Variants in RNF13 observed in about 807,000 individuals in gnomAD.
The protein encoded by RNF13 is E3 ubiquitin-protein ligase RNF13.
In RNF13, 19 loss-of-function variants were observed where a neutral mutation model predicts 37.7. That is an observed-to-expected ratio of 0.50 (90% CI 0.35 to 0.74). The LOEUF (loss-of-function observed/expected upper bound fraction) is 0.74, where lower values mean the gene tolerates loss of function less well. Ranked by LOEUF, RNF13 falls within the 30% of genes least tolerant of loss-of-function variation. RNF13 has a pLI of 0.01. For synonymous variants in RNF13, 144 were observed against 157.8 expected (o/e 0.91, Z 0.65); for missense variants, 375 against 453.0 (o/e 0.83, Z 1.56).
chr3:149,917,184 C>T (rs1251441930), intron 7 of RNF13, among the ~76,000 whole-genome samples: 1 of 152,076 alleles, frequency 6.6e-6, no homozygotes, highest in Non-Finnish European at 1.5e-5. Flanking sequence ...TGGTTCAGCT[C>T]CACCATCTTT....
rs192836082 is a variant in RNF13, at chr3:149,874,066, G to A, written c.321+1912G>A. ...TTGAGCCATTCTAATGTTAGACAGG[G>A]AAATGTTAAAAAAATTCTCATTGTA... is the stretch of plus-strand genomic sequence containing the variant. On this transcript the variant is annotated intron_variant, in intron 4 of 9. Coordinates refer to ENST00000392894, the MANE Select transcript of RNF13 (RefSeq NM_183381.3). Among the ~76,000 whole-genome samples, 1,244 of 152,220 alleles carry A rather than the reference G, an allele frequency of 8.2e-3. 6 individuals carry two copies. The highest frequency in any genetic ancestry group is 0.012 in the Non-Finnish European group (801 of 68,000).
chr3:149,948,550 A>C (rs1224198010), intron 8 of RNF13, among the ~76,000 whole-genome samples: 5 of 152,196 alleles, frequency 3.3e-5, no homozygotes, highest in African/African-American at 1.2e-4. Flanking sequence ...AAAACATCTT[A>C]AAAGTTCTAA....
At chr3:149,889,292 C>CGTGTGTGT (rs376618726) in intron 4 of RNF13, among the ~76,000 whole-genome samples, 31,283 of 137,978 alleles carry the variant, frequency 0.23, 4,041 homozygotes, top group Middle Eastern at 0.31. Context: ...TTTGAGTGTG[C>CGTGTGTGT]GTGTGTGTGT....
intron 4 of RNF13, among the ~76,000 whole-genome samples, chr3:149,886,537 C>G (rs1037182337): frequency 6.6e-6 from 1 of 152,062 alleles, no homozygotes; most frequent in Admixed American, 6.6e-5. Flanking sequence ...ATCGAGATAT[C>G]ATTTGCACAT....
At chr3:149,876,771 C>CTTTTTTTTT (rs768071913) in intron 4 of RNF13, among the ~76,000 whole-genome samples, 7 of 82,512 alleles carry the variant, frequency 8.5e-5, no homozygotes, top group African/African-American at 1.5e-4. Flanking sequence ...GTCATCATAT[C>CTTTTTTTTT]TTTTTTTTTT....
chr3:149,850,308 A>G (rs1265194991), intron 2 of RNF13, among the ~76,000 whole-genome samples: 2 of 152,304 alleles, frequency 1.3e-5, no homozygotes, highest in East Asian at 1.9e-4. Flanking sequence ...AACAGTGAAC[A>G]TGCTTTAATT....
chr3:149,829,450 T>G (rs1442056233), intron 1 of RNF13, among the ~76,000 whole-genome samples: 3 of 152,218 alleles, frequency 2.0e-5, no homozygotes, highest in Non-Finnish European at 4.4e-5. Context: ...TTGATCATTT[T>G]GTTTCATTTG....
At chr3:149,911,845 A>C (rs770420664) in intron 6 of RNF13, 133 bp from the exon 7 acceptor site, 2 of 606,718 alleles carry the variant, frequency 3.3e-6, no homozygotes, top group Non-Finnish European at 5.8e-6. Flanking sequence ...TATTTTAGAA[A>C]ATGAAATGTA....
intron 1 of RNF13, among the ~76,000 whole-genome samples, chr3:149,838,824 T>C (rs1721906696): frequency 6.7e-6 from 1 of 150,094 alleles, no homozygotes; most frequent in African/African-American, 2.5e-5. Flanking sequence ...CTTGAATGTC[T>C]CCTCAGAAAA....
intron 7 of RNF13, among the ~76,000 whole-genome samples, chr3:149,915,949 A>G (rs1347216199): frequency 6.6e-6 from 1 of 152,214 alleles, no homozygotes; most frequent in African/African-American, 2.4e-5. Flanking sequence ...AATGTACTTA[A>G]GCCATCGAAC....
intron 3 of RNF13, among the ~76,000 whole-genome samples, chr3:149,868,288 A>G (rs1203966827): frequency 4.6e-5 from 7 of 151,688 alleles, no homozygotes; most frequent in Non-Finnish European, 1.0e-4. Flanking sequence ...ACTTAATTGT[A>G]CCAGTGCGTT....
At chr3:149,853,192 T>C (rs1410111633) in intron 3 of RNF13, among the ~76,000 whole-genome samples, 4 of 152,124 alleles carry the variant, frequency 2.6e-5, no homozygotes, top group African/African-American at 9.7e-5. Flanking sequence ...TTTGTCTTTG[T>C]GTATTCATCC....
At chr3:149,915,036 G>A (rs1482652846) in intron 7 of RNF13, among the ~76,000 whole-genome samples, 1 of 152,096 alleles carries the variant, frequency 6.6e-6, no homozygotes, top group East Asian at 1.9e-4. Context: ...GGAAAAAGCA[G>A]TATAAGTCGT....
At chr3:149,859,983 G>A (rs1296022955) in intron 3 of RNF13, among the ~76,000 whole-genome samples, 1 of 151,662 alleles carries the variant, frequency 6.6e-6, no homozygotes, top group East Asian at 1.9e-4. Flanking sequence ...ATATTACAAG[G>A]CAACCAGGTG....
chr3:149,925,253 G>A (rs1167927469), intron 8 of RNF13, among the ~76,000 whole-genome samples: 1 of 152,102 alleles, frequency 6.6e-6, no homozygotes. Flanking sequence ...TTTTCAAAAT[G>A]TGAAGTATAA....
chr3:149,939,417 T>C, intron 8 of RNF13: 1 of 530,806 alleles, frequency 1.9e-6, no homozygotes, highest in Non-Finnish European at 3.6e-6. Flanking sequence ...ACTCCTCTTC[T>C]TCATCTTCTG....
chr3:149,845,625 G>A (rs564730125), intron 1 of RNF13, among the ~76,000 whole-genome samples: 1 of 152,246 alleles, frequency 6.6e-6, no homozygotes, highest in South Asian at 2.1e-4. Flanking sequence ...AATTTTTTAA[G>A]TTGTAGAAAA....
chr3:149,935,356 T>C (rs1476928538), intron 8 of RNF13, among the ~76,000 whole-genome samples: 2 of 152,180 alleles, frequency 1.3e-5, no homozygotes, highest in Non-Finnish European at 2.9e-5. Context: ...AATTAGAACA[T>C]TTAGTTCATT....
chr3:149,909,593 T>C (rs1381612036), intron 6 of RNF13, among the ~76,000 whole-genome samples: 1 of 152,056 alleles, frequency 6.6e-6, no homozygotes, highest in Non-Finnish European at 1.5e-5. Flanking sequence ...AAATCTTTTA[T>C]CAATTGTTGA....
Sources: allele counts gnomAD v4.1 joint callset (sites outside exome capture counted in the v4.1 genomes callset), GRCh38; gene constraint gnomAD v4.1.1; transcripts MANE v1.5; gene names NCBI Gene and HGNC (gene_info 2026-07-23, HGNC 2026-07-21).